Variants in ARMC2 observed in about 807,000 individuals in gnomAD.
The protein encoded by ARMC2 is armadillo repeat containing 2, also known as armadillo repeat-containing protein 2.
A neutral mutation model predicts 90.3 loss-of-function variants in ARMC2; 67 were observed. The ratio of observed to expected loss-of-function variants is 0.74; its 90% CI spans 0.61 to 0.91. ARMC2 has a LOEUF of 0.91. Among genes scored for constraint, ARMC2 ranks in the 40% least tolerant of loss-of-function variants. The probability of loss-of-function intolerance (pLI) is 0.00; values close to 1 mark genes in which losing one functional copy is unlikely to be tolerated. For missense variants in ARMC2, 920 were observed against 1,030.9 expected (o/e 0.89, Z 1.47); for synonymous variants, 393 against 393.0 (o/e 1.00, Z 0.00).
At chr6:108,986,207 A>AAAAC in the ARMC2 span, among the ~76,000 whole-genome samples, 247 of 152,318 alleles carry the variant, frequency 1.6e-3, no homozygotes, top group African/African-American at 5.6e-3. Flanking sequence ...TTGGAACTCT[A>AAAAC]AAACAGTTGA....
the ARMC2 span, chr6:109,001,217 A>G: frequency 4.7e-6 from 6 of 1,266,938 alleles, no homozygotes; most frequent in African/African-American, 4.5e-5. Flanking sequence ...CCTGTGTTTA[A>G]AGCATTAACT....
At chr6:108,942,902 A>T (rs1776554383) in intron 12 of ARMC2, among the ~76,000 whole-genome samples, 1 of 152,220 alleles carries the variant, frequency 6.6e-6, no homozygotes, top group South Asian at 2.1e-4. Flanking sequence ...CAGAAATCTA[A>T]AATGAACAAG....
At chr6:109,046,121 C>A in the ARMC2 span, among the ~76,000 whole-genome samples, 3 of 152,156 alleles carry the variant, frequency 2.0e-5, no homozygotes, top group African/African-American at 7.2e-5. Flanking sequence ...CTCCCTCTCC[C>A]CACGGTCTCC....
intron 2 of ARMC2, among the ~76,000 whole-genome samples, chr6:108,857,913 G>A (rs957554845): frequency 2.0e-5 from 3 of 152,148 alleles, no homozygotes; most frequent in Non-Finnish European, 2.9e-5. Context: ...ATGGTTACTA[G>A]CAGTTGTCCC....
chr6:108,919,527 G>T (rs1183074318), intron 10 of ARMC2, among the ~76,000 whole-genome samples: 2 of 150,060 alleles, frequency 1.3e-5, no homozygotes, highest in African/African-American at 2.5e-5. Flanking sequence ...ATTTTTTTTT[G>T]GAGATTTGAT....
At position 108,893,260 on chromosome 6, in the gene ARMC2, T is replaced by C. The variant is rs142866618; in HGVS notation, c.672-1207T>C. On this transcript the variant is annotated intron_variant, in intron 5 of 17. Transcript: ENST00000392644. ...GGGGACTGTCCAAATTTATTTTCAG[T>C]TTTTTAATGTTTAAAATATTTCTAA... 4.2e-3 allele frequency among the ~76,000 whole-genome samples: 639 copies of C among 152,318 alleles called. 3 individuals carry two copies. The highest frequency in any genetic ancestry group is 0.014 in the African/African-American group (599 of 41,576).
intron 17 of ARMC2, among the ~76,000 whole-genome samples, chr6:108,968,467 A>G (rs1288610833): frequency 1.3e-5 from 2 of 152,200 alleles, no homozygotes; most frequent in Non-Finnish European, 2.9e-5. Context: ...AATGCATCCC[A>G]GGTTTCTCAC....
At chr6:108,867,745 TG>T (rs1313088349) in intron 3 of ARMC2, among the ~76,000 whole-genome samples, 1 of 151,630 alleles carries the variant, frequency 6.6e-6, no homozygotes, top group Non-Finnish European at 1.5e-5. Flanking sequence ...CACTCCAGCC[TG>T]GGCAACAAGA....
At chr6:108,902,530 G>A (rs1772254106) in intron 7 of ARMC2, among the ~76,000 whole-genome samples, 1 of 152,122 alleles carries the variant, frequency 6.6e-6, no homozygotes, top group Admixed American at 6.5e-5. Context: ...TAGGAGTTCA[G>A]GTTTTTCCCT....
intron 5 of ARMC2, among the ~76,000 whole-genome samples, chr6:108,891,003 G>C (rs927846708): frequency 1.3e-5 from 2 of 150,078 alleles, no homozygotes; most frequent in South Asian, 2.1e-4. Flanking sequence ...AGAACATGCA[G>C]TGTTTGGTTT....
the ARMC2 span, among the ~76,000 whole-genome samples, chr6:108,982,289 A>G: frequency 3.3e-5 from 5 of 152,200 alleles, no homozygotes; most frequent in African/African-American, 1.2e-4. Context: ...GTTTGTGGTC[A>G]AGGCCCTCTT....
rs200594932 is a variant in ARMC2, at chr6:108,923,487, G to GT, written c.1351-4597dup. On this transcript the variant is annotated intron_variant, in intron 10 of 17. Coordinates refer to ENST00000392644, the MANE Select transcript of ARMC2 (RefSeq NM_032131.6). ...TATCTCTGTTCAACTGAGAGTTCTT[G>GT]TTTTCTTTTTTTTAATTTTCACTTG... 3.4e-3 allele frequency among the ~76,000 whole-genome samples: 500 copies of GT among 147,672 alleles called. 2 individuals carry two copies. Among genetic ancestry groups the GT allele is most frequent in the Admixed American group, 4.5e-3 (67 of 14,738 alleles).
Position 108,905,226 on chromosome 6 carries a change from G to A in ARMC2, c.1023+821G>A, listed in dbSNP as rs569075592. Reference sequence around the variant, plus strand: ...GTACACAGTGAAGGTAAGTGTTGGCGTACTTACTGTTAGTTAATAAGAATG... The same window carrying A: ...GTACACAGTGAAGGTAAGTGTTGGCATACTTACTGTTAGTTAATAAGAATG... On this transcript the variant is annotated intron_variant, in intron 8 of 17. Transcript: ENST00000392644. Among the ~76,000 whole-genome samples the A allele has an allele frequency of 2.6e-4, 40 of 152,266 alleles. No homozygotes were observed. The East Asian group carries it at 5.0e-3, about 19-fold the overall frequency.
chr6:109,021,638 C>A, the ARMC2 span, among the ~76,000 whole-genome samples: 1 of 152,010 alleles, frequency 6.6e-6, no homozygotes, highest in Non-Finnish European at 1.5e-5. Flanking sequence ...GACGGGGTTT[C>A]ACTATGTTGG....
chr6:108,996,084 C>T, the ARMC2 span, among the ~76,000 whole-genome samples: 1 of 152,208 alleles, frequency 6.6e-6, no homozygotes, highest in South Asian at 2.1e-4. Context: ...CCAGACCAAA[C>T]CTTCATAAAG....
At position 108,910,952 on chromosome 6, in the gene ARMC2, TAGC is replaced by T. The variant is rs1562379936; in HGVS notation, c.1080_1082del (p.Ser360del). 5 of 1,585,572 alleles carry T rather than the reference TAGC, an allele frequency of 3.2e-6. No individual in the cohort carries two copies. Among genetic ancestry groups the T allele is most frequent in the Non-Finnish European group, 3.4e-6 (4 of 1,165,874 alleles). On this transcript the variant is annotated inframe_deletion, in exon 9 of 18. Transcript: ENST00000392644. ...ATGTCTGCAAACTTATATTTAAAAT[TAGC>T]AGGAATGAGAAGAATGATTCTTTGA...
At chr6:108,936,694 T>C (rs1357901757) in intron 11 of ARMC2, among the ~76,000 whole-genome samples, 2 of 152,218 alleles carry the variant, frequency 1.3e-5, no homozygotes, top group Non-Finnish European at 2.9e-5. Flanking sequence ...AAGTTACCTT[T>C]TAAATTTTTC....
At chr6:108,873,639 C>G (rs539306392) in intron 4 of ARMC2, among the ~76,000 whole-genome samples, 1 of 152,302 alleles carries the variant, frequency 6.6e-6, no homozygotes, top group Admixed American at 6.5e-5. Context: ...CAAGTATAGG[C>G]CCTTCTAAAA....
the ARMC2 span, among the ~76,000 whole-genome samples, chr6:109,030,815 ATC>A: frequency 1.3e-5 from 2 of 152,224 alleles, no homozygotes; most frequent in Admixed American, 1.3e-4. Flanking sequence ...TGTAAGATGT[ATC>A]TCATTATTCC....
Sources: allele counts gnomAD v4.1 joint callset (sites outside exome capture counted in the v4.1 genomes callset), GRCh38; gene constraint gnomAD v4.1.1; transcripts MANE v1.5; gene names NCBI Gene and HGNC (gene_info 2026-07-23, HGNC 2026-07-21).